Variants in TMEM231 observed in about 807,000 individuals in gnomAD.
The protein encoded by TMEM231 is transmembrane protein 231.
In TMEM231, 40 loss-of-function variants were observed where a neutral mutation model predicts 38.5. The ratio of observed to expected loss-of-function variants is 1.04; its 90% CI spans 0.81 to 1.35. TMEM231 has a LOEUF of 1.35. TMEM231 is among the 40% of genes most tolerant of loss of function. The probability of loss-of-function intolerance (pLI) is 0.00; values close to 1 mark genes in which losing one functional copy is unlikely to be tolerated. For missense variants in TMEM231, 420 were observed against 416.9 expected (o/e 1.01, Z -0.07); for synonymous variants, 199 against 181.7 (o/e 1.10, Z -0.77).
In TMEM231 at chr16:75,546,235, T is replaced by C. The variant is rs76347730; in HGVS notation, c.310-281A>G. ...TCTGGATAGTATTTGTGCCTTTCAG[T>C]TGTCTCATGTGATCTTGCTTATTTT... On this transcript the variant is annotated intron_variant, in intron 2 of 6. Transcript: ENST00000258173. Among the ~76,000 whole-genome samples the C allele has an allele frequency of 0.012, 1,844 of 152,316 alleles. 44 individuals are homozygous for C. Among genetic ancestry groups the C allele is most frequent in the African/African-American group, 0.041 (1,709 of 41,572 alleles).
intron 2 of TMEM231, among the ~76,000 whole-genome samples, chr16:75,554,671 A>G (rs1004668274): frequency 6.6e-6 from 1 of 152,234 alleles, no homozygotes; most frequent in Non-Finnish European, 1.5e-5. Flanking sequence ...ATTGATACAT[A>G]TACAAAACTG....
At chr16:75,542,882 T>C (rs566416370) in intron 4 of TMEM231, among the ~76,000 whole-genome samples, 199 bp from the exon 5 acceptor site, 1 of 152,186 alleles carries the variant, frequency 6.6e-6, no homozygotes, top group East Asian at 1.9e-4. Context: ...AGCACCCTCT[T>C]GTTCTTGGTG....
intron 2 of TMEM231, among the ~76,000 whole-genome samples, chr16:75,548,567 G>T (rs1597044530): frequency 6.6e-6 from 1 of 152,074 alleles, no homozygotes; most frequent in African/African-American, 2.4e-5. Flanking sequence ...GAATAATGAA[G>T]GTAAAATTTA....
At position 75,541,382 on chromosome 16, in the gene TMEM231, A is replaced by T; in HGVS notation, c.738T>A (p.Asn246Lys). The change falls in exon 6 of 7, where the codon AAT (asparagine) becomes AAA (lysine). Residue 246 changes from asparagine (N) to lysine (K), a missense_variant. Transcript: ENST00000258173. ...CTTCCACAGGGTATCGGATGATAGC[A>T]TTAATCACAAATGGAGCATCTGCGG... Reference protein sequence around the residue: ...GRAADAPFVINAIIRYPVEVI... With the variant: ...GRAADAPFVIKAIIRYPVEVI... 6.2e-7 allele frequency: 1 copy of T among 1,612,226 alleles called. No individual in the cohort carries two copies. The highest frequency in any genetic ancestry group is 8.5e-7 in the Non-Finnish European group (1 of 1,178,882).
chr16:75,555,737 C>T, intron 2 of TMEM231, 67 bp downstream of exon 2: 1 of 1,412,504 alleles, frequency 7.1e-7, no homozygotes, highest in Admixed American at 2.9e-5. Context: ...CGCCCCACAT[C>T]CTCATTCCAG....
intron 2 of TMEM231, among the ~76,000 whole-genome samples, chr16:75,551,523 C>T (rs142738153): frequency 6.6e-5 from 10 of 152,280 alleles, no homozygotes; most frequent in African/African-American, 2.4e-4. Flanking sequence ...ATAAAATGAA[C>T]CATTATTTTA....
rs61214082 is a variant in TMEM231 at position 75,546,451 on chromosome 16, GT to G, written c.310-498del. Among the ~76,000 whole-genome samples, 16 of 148,528 alleles carry G rather than the reference GT, an allele frequency of 1.1e-4. No homozygotes were observed. The South Asian group carries it at 1.3e-3, about 12-fold the overall frequency. Reference sequence around the variant, plus strand: ...AAATCACCAAGCTCTATTTTTTTTTGTTTTTTTTTGAGCCGGGGTCTAACTC... The same window carrying G: ...AAATCACCAAGCTCTATTTTTTTTTGTTTTTTTTGAGCCGGGGTCTAACTC... On this transcript the variant is annotated intron_variant, in intron 2 of 6. Transcript: ENST00000258173.
At chr16:75,540,824 T>C (rs1267900386) in intron 6 of TMEM231, among the ~76,000 whole-genome samples, 1 of 152,222 alleles carries the variant, frequency 6.6e-6, no homozygotes, top group Admixed American at 6.5e-5. Context: ...GAATTATTTG[T>C]TCCTATATGA....
intron 2 of TMEM231, among the ~76,000 whole-genome samples, chr16:75,549,745 G>C (rs904364810): frequency 2.0e-5 from 3 of 151,932 alleles, no homozygotes; most frequent in Admixed American, 1.3e-4. Context: ...GTCTTACTCT[G>C]TTGCCCAGGC....
intron 4 of TMEM231, among the ~76,000 whole-genome samples, chr16:75,544,376 C>A (rs768912009): frequency 3.9e-5 from 6 of 151,998 alleles, no homozygotes; most frequent in South Asian, 2.1e-4. Flanking sequence ...TGGCATGGTC[C>A]GATAAGCCAC....
At chr16:75,544,411 C>G (rs1406998247) in intron 4 of TMEM231, among the ~76,000 whole-genome samples, 1 of 151,930 alleles carries the variant, frequency 6.6e-6, no homozygotes, top group East Asian at 1.9e-4. Context: ...GAGGAAATGG[C>G]AAAAGCAAAA....
intron 2 of TMEM231, among the ~76,000 whole-genome samples, chr16:75,553,482 A>G (rs1189158145): frequency 6.6e-6 from 1 of 151,786 alleles, no homozygotes; most frequent in Non-Finnish European, 1.5e-5. Context: ...GTTAGCCCGG[A>G]GTGGTGGTGC....
intron 5 of TMEM231, 30 bp downstream of exon 5, chr16:75,542,572 G>A: frequency 6.3e-7 from 1 of 1,597,698 alleles, no homozygotes; most frequent in South Asian, 1.1e-5. Flanking sequence ...GTCCTGAGCA[G>A]CGGCTGAATG....
At chr16:75,543,104 C>A (rs2080646751) in intron 4 of TMEM231, among the ~76,000 whole-genome samples, 1 of 152,066 alleles carries the variant, frequency 6.6e-6, no homozygotes, top group African/African-American at 2.4e-5. Flanking sequence ...CGTATTTTCG[C>A]CAGGTGTGGT....
chr16:75,556,004 T>C (rs1173631526), intron 1 of TMEM231, 31 bp from the exon 2 acceptor site: 3 of 1,585,216 alleles, frequency 1.9e-6, no homozygotes, highest in Non-Finnish European at 1.7e-6. Flanking sequence ...GGGAGGCGGT[T>C]AGGGAGGCCG....
Position 75,545,870 on chromosome 16 carries a change from C to T in TMEM231, c.394G>A (p.Val132Ile), listed in dbSNP as rs1567436773. The change falls in exon 3 of 7, where the codon GTT becomes ATT. Residue 132 changes from valine to isoleucine, a missense_variant. By Grantham distance (29) the Val-to-Ile change is conservative. Coordinates refer to ENST00000258173, the MANE Select transcript of TMEM231 (RefSeq NM_001077418.3). ...LELPLQSTEH[V>I]LGVQLILTFS... Reference sequence around the variant, plus strand: ...GTCAGGATGAGCTGCACACCGAGAACGTGCTCCGTGGACTGCAGGGGAAGC... The same window carrying T: ...GTCAGGATGAGCTGCACACCGAGAATGTGCTCCGTGGACTGCAGGGGAAGC... The T allele has an allele frequency of 4.2e-6, 6 of 1,444,818 alleles. No individual in the cohort carries two copies. Among genetic ancestry groups the T allele is most frequent in the Non-Finnish European group, 4.6e-6 (5 of 1,079,348 alleles). The allele number at this position is 1,444,818 out of a possible 1,614,324, so 89.5% of individuals were successfully genotyped here.
chr16:75,555,647 G>A (rs997947512), intron 2 of TMEM231, 157 bp downstream of exon 2: 2 of 696,766 alleles, frequency 2.9e-6, no homozygotes, highest in Non-Finnish European at 4.5e-6. Flanking sequence ...GATTCCCTAG[G>A]TCCTAGGAGA....
intron 2 of TMEM231, among the ~76,000 whole-genome samples, chr16:75,549,047 G>T (rs779250980): frequency 1.6e-4 from 24 of 152,090 alleles, no homozygotes; most frequent in Non-Finnish European, 2.8e-4. Context: ...AATGCATCTG[G>T]CAGAGTGGGT....
At chr16:75,546,507 A>G (rs1033231164) in intron 2 of TMEM231, among the ~76,000 whole-genome samples, 1 of 152,100 alleles carries the variant, frequency 6.6e-6, no homozygotes, top group Non-Finnish European at 1.5e-5. Flanking sequence ...CAGTGACGCA[A>G]TCACGGCTCA....
Sources: allele counts gnomAD v4.1 joint callset (sites outside exome capture counted in the v4.1 genomes callset), GRCh38; gene constraint gnomAD v4.1.1; transcripts MANE v1.5; gene names NCBI Gene and HGNC (gene_info 2026-07-23, HGNC 2026-07-21).